EML2: variants seen among roughly 807,000 people sequenced by gnomAD.
EML2 encodes the protein echinoderm microtubule-associated protein-like 2.
Under a neutral mutation model 84.7 loss-of-function variants are expected in EML2, and 59 were observed. The observed-to-expected ratio is 0.70, with a 90% CI of 0.56 to 0.86. EML2 has a LOEUF of 0.86. Ranked by LOEUF, EML2 falls within the 40% of genes least tolerant of loss-of-function variation. The pLI is 0.00. For missense variants in EML2, 818 were observed against 855.6 expected (o/e 0.96, Z 0.55); for synonymous variants, 352 against 348.9 (o/e 1.01, Z -0.10).
chr19:45,633,060 C>T lies in EML2; in HGVS notation c.399+10G>A. The T allele has an allele frequency of 6.3e-7, 1 of 1,588,288 alleles. No individual in the cohort carries two copies. The highest frequency in any genetic ancestry group is 1.3e-5 in the African/African-American group (1 of 74,780). ...TGCACTCTTTTCTGCTTTCCCCTCC[C>T]TTCCATTACCTTCCCTTCCTTAGTG... is the stretch of plus-strand genomic sequence containing the variant. On this transcript the variant is annotated intron_variant, in intron 5 of 18. Coordinates refer to ENST00000245925, the MANE Select transcript of EML2 (RefSeq NM_012155.4).
chr19:45,632,118 C>A (rs1226202301), intron 6 of EML2, among the ~76,000 whole-genome samples: 1 of 151,094 alleles, frequency 6.6e-6, no homozygotes, highest in Non-Finnish European at 1.5e-5. Flanking sequence ...TGGTCTCAAA[C>A]TCCTGACCTT....
intron 13 of EML2, 78 bp downstream of exon 13, chr19:45,617,552 G>T (rs1026027160): frequency 7.6e-7 from 1 of 1,323,782 alleles, no homozygotes; most frequent in African/African-American, 1.4e-5. Flanking sequence ...TGGGATTTGG[G>T]AAAGTAGGAA....
intron 4 of EML2, 45 bp downstream of exon 4, chr19:45,634,277 T>C: frequency 6.2e-7 from 1 of 1,604,222 alleles, no homozygotes; most frequent in Non-Finnish European, 8.5e-7. Flanking sequence ...TGGAGCTCCA[T>C]CTCCAGCCAC....
At chr19:45,628,316 C>T (rs1367239451) in intron 7 of EML2, among the ~76,000 whole-genome samples, 2 of 150,156 alleles carry the variant, frequency 1.3e-5, no homozygotes, top group African/African-American at 4.9e-5. Context: ...TGCAGTGAGC[C>T]GAGATCATGC....
At chr19:45,643,999 C>A (rs1974837446), upstream of EML2, among the ~76,000 whole-genome samples, 1 of 152,192 alleles carries the variant, frequency 6.6e-6, no homozygotes, top group African/African-American at 2.4e-5. Flanking sequence ...GATCACTCAG[C>A]CCGTAGGTGG....
At chr19:45,638,189 G>A (rs1973995038) in intron 3 of EML2, among the ~76,000 whole-genome samples, 1 of 152,204 alleles carries the variant, frequency 6.6e-6, no homozygotes, top group Non-Finnish European at 1.5e-5. Context: ...TCATTTTTCA[G>A]AGTCAAGACG....
intron 7 of EML2, among the ~76,000 whole-genome samples, chr19:45,627,455 A>G (rs1204269354): frequency 2.0e-5 from 3 of 150,696 alleles, no homozygotes; most frequent in Non-Finnish European, 4.4e-5. Flanking sequence ...GGGTTTCACC[A>G]TGTTGGCCAG....
At chr19:45,615,735 C>A in intron 16 of EML2, 67 bp downstream of exon 16, 1 of 1,401,990 alleles carries the variant, frequency 7.1e-7, no homozygotes, top group Non-Finnish European at 1.0e-6. Flanking sequence ...TCCCTCCCCT[C>A]CCAGAACTCA....
chr19:45,611,499 C>A (rs11882139), intron 18 of EML2, among the ~76,000 whole-genome samples: 14,727 of 149,890 alleles, frequency 0.098, 1,063 homozygotes, highest in East Asian at 0.29. Flanking sequence ...TCTTCTTCTT[C>A]TTTTGAGACA....
chr19:45,609,902 T>A (rs1347183787), intron 18 of EML2, 114 bp from the exon 19 acceptor site: 14 of 1,194,082 alleles, frequency 1.2e-5, no homozygotes, highest in Non-Finnish European at 1.4e-5. Flanking sequence ...TTTTTTTTTT[T>A]AATCACTTAG....
chr19:45,609,822 C>A, intron 18 of EML2, 34 bp from the exon 19 acceptor site: 1 of 1,606,916 alleles, frequency 6.2e-7, no homozygotes, highest in South Asian at 1.1e-5. Context: ...GAAGAAATGT[C>A]AGTGGGGACA....
chr19:45,644,797 C>A, upstream of EML2: 1 of 456,420 alleles, frequency 2.2e-6, no homozygotes, highest in South Asian at 1.5e-5. Context: ...AGGGCCAGGG[C>A]CAGAGGATTT....
upstream of EML2, chr19:45,644,716 C>G (rs771191129): frequency 2.4e-5 from 11 of 456,026 alleles, no homozygotes; most frequent in Admixed American, 2.3e-4. Flanking sequence ...CACCTGAGCC[C>G]GACACCCACA....
chr19:45,613,698 A>G (rs1970729702), intron 17 of EML2, 27 bp from the exon 18 acceptor site: 1 of 1,605,068 alleles, frequency 6.2e-7, no homozygotes, highest in Admixed American at 1.7e-5. Flanking sequence ...GGGAAGTGGT[A>G]AGATGTCAGC....
chr19:45,631,834 T>C (rs931790268), intron 6 of EML2, among the ~76,000 whole-genome samples: 2 of 150,790 alleles, frequency 1.3e-5, no homozygotes, highest in Admixed American at 1.3e-4. Context: ...ACCTCCCAAG[T>C]ATCTGGGAGT....
At chr19:45,621,435 TC>T (rs1971683468) in intron 10 of EML2, 47 bp downstream of exon 10, 4 of 1,587,156 alleles carry the variant, frequency 2.5e-6, no homozygotes, top group East Asian at 4.5e-5. Context: ...CCTGGTGAGA[TC>T]GGGGGGGGCC....
intron 17 of EML2, among the ~76,000 whole-genome samples, chr19:45,614,160 G>T (rs1431418659): frequency 2.0e-5 from 3 of 152,134 alleles, no homozygotes; most frequent in African/African-American, 7.2e-5. Context: ...TCCAAGAGTA[G>T]GCCAGATGCC....
chr19:45,624,361 C>G (rs1322294640), intron 9 of EML2, among the ~76,000 whole-genome samples: 2 of 152,156 alleles, frequency 1.3e-5, no homozygotes, highest in African/African-American at 4.8e-5. Flanking sequence ...CCTTCATTCA[C>G]TTATTCATTG....
chr19:45,624,570 G>T (rs1972082066), intron 9 of EML2, 149 bp downstream of exon 9: 1 of 630,050 alleles, frequency 1.6e-6, no homozygotes, highest in East Asian at 2.8e-5. Context: ...CCTGGAGATA[G>T]GGATACTTGA....
Sources: gnomAD v4.1 joint callset for allele counts (sites outside exome capture counted in the v4.1 genomes callset) on GRCh38, gnomAD v4.1.1 for gene constraint, MANE v1.5 for transcripts, NCBI Gene and HGNC (gene_info 2026-07-23, HGNC 2026-07-21) for gene names.